PRSS33: variants seen among roughly 807,000 people sequenced by gnomAD.
PRSS33 encodes protease, serine 33.
PRSS33 carries 32 observed loss-of-function variants against 26.7 expected under a neutral mutation model. The ratio of observed to expected loss-of-function variants is 1.20; its 90% confidence interval spans 0.90 to 1.61. The LOEUF is 1.61. PRSS33 is among the 40% of genes most tolerant of loss of function. The pLI, the probability that PRSS33 is intolerant of heterozygous loss-of-function variation, is 0.00. For synonymous variants in PRSS33, 192 were observed against 177.6 expected (o/e 1.08, Z -0.64); for missense variants, 450 against 396.3 (o/e 1.14, Z -1.15).
At chr16:2,785,243 T>C in intron 5 of PRSS33, 72 bp from the exon 6 acceptor site, 2 of 1,450,666 alleles carry the variant, frequency 1.4e-6, no homozygotes, top group Admixed American at 2.2e-5. Context: ...GAGCTCTGAG[T>C]GAGAGGAGGT....
rs755762869 is a variant in PRSS33 at position 2,785,792 on chromosome 16, C to T, written c.242+7G>A. On this transcript the variant is annotated splice_region_variant and intron_variant, in intron 4 of 6. Coordinates refer to ENST00000682474, the MANE Select transcript of PRSS33 (RefSeq NM_152891.3). ...ACACCCCGCCTGGGCCCTCGGTGAG[C>T]GCTGACCTGGGGAAGCAGTGCGCCG... The T allele has an allele frequency of 1.3e-6, 2 of 1,589,128 alleles. No homozygotes were observed. The highest frequency in any genetic ancestry group is 1.7e-6 in the Non-Finnish European group (2 of 1,173,434).
At position 2,785,538 on chromosome 16, in the gene PRSS33, G is replaced by C. The variant is rs757985355; in HGVS notation, c.351C>G (p.Asp117Glu). 16 of 1,527,964 alleles carry C rather than the reference G, an allele frequency of 1.0e-5. No homozygotes were observed. The South Asian group carries it at 1.4e-4, about 14-fold the overall frequency. The allele number at this position is 1,527,964 out of a possible 1,614,324, so 94.7% of individuals were successfully genotyped here. Reference sequence around the variant, plus strand: ...CGCCGCGGGCCCCGTCCTCGGAGTAGTCCGGGGGCAGCAGCACCCGTCGCA... The same window carrying C: ...CGCCGCGGGCCCCGTCCTCGGAGTACTCCGGGGGCAGCAGCACCCGTCGCA... Reference protein sequence around the residue: ...VPVRRVLLPPDYSEDGARGDL... With the variant: ...VPVRRVLLPPEYSEDGARGDL... The change falls in exon 5 of 7, where the codon GAC becomes GAG. Residue 117 changes from aspartate to glutamate, a missense_variant. Transcript: ENST00000682474.
chr16:2,786,431 G>A, intron 2 of PRSS33, 71 bp downstream of exon 2: 1 of 1,580,652 alleles, frequency 6.3e-7, no homozygotes, highest in Non-Finnish European at 8.7e-7. Context: ...CCGGCCCAGG[G>A]AGCAGTGAGA....
rs2150788507 is a variant in PRSS33 at position 2,784,406 on chromosome 16, GTGTGAC to G, written c.*232_*237del. On this transcript the variant is annotated 3_prime_UTR_variant, in exon 7 of 7. Transcript: ENST00000682474. ...ATACAAGCCAGGAAGGGAGTGGGGAGTGTGACTCCCTGGGACTCATGGCAGATTCCT... is the reference window on the plus strand; with the variant it reads ...ATACAAGCCAGGAAGGGAGTGGGGAGTCCCTGGGACTCATGGCAGATTCCT... The G allele has an allele frequency of 2.2e-6, 1 of 456,194 alleles. No homozygotes were observed. The highest frequency in any genetic ancestry group is 3.6e-5 in the South Asian group (1 of 27,856). The allele number at this position is 456,194 out of a possible 1,614,324, so 28.3% of individuals were successfully genotyped here.
Position 2,784,909 on chromosome 16 carries a change from C to A in PRSS33, c.684+93G>T, listed in dbSNP as rs138411936. The stretch of plus-strand genomic sequence containing the variant: ...TAGGTTGGAGGCCAGGATCCTGAGC[C>A]TGAGTTGGGATGTCCTGGGTCCTGG... On this transcript the variant is annotated intron_variant, in intron 6 of 6. Coordinates refer to ENST00000682474, the MANE Select transcript of PRSS33 (RefSeq NM_152891.3). The A allele has an allele frequency of 1.5e-4, 226 of 1,531,036 alleles. 1 individual carries two copies. In the Admixed American group the frequency reaches 4.4e-3, roughly 30 times the overall value. 94.8% of individuals were successfully genotyped at this position (1,531,036 alleles called of 1,614,324 possible). A position where few individuals can be genotyped will look rare whatever the true frequency, so the allele number is the denominator to read the frequency against.
At chr16:2,786,628 G>T in intron 1 of PRSS33, 24 bp from the exon 2 acceptor site, 1 of 1,527,774 alleles carries the variant, frequency 6.5e-7, no homozygotes, top group Non-Finnish European at 9.0e-7. Context: ...GGAGAAGAGA[G>T]GAGAGTCCTG....
At position 2,785,413 on chromosome 16, in the gene PRSS33, G is replaced by A; in HGVS notation, c.476C>T (p.Pro159Leu). The A allele has an allele frequency of 6.9e-7, 1 of 1,449,838 alleles. No individual in the cohort carries two copies. Among genetic ancestry groups the A allele is most frequent in the Non-Finnish European group, 9.0e-7 (1 of 1,113,384 alleles). The allele number at this position is 1,449,838 out of a possible 1,614,324, so 89.8% of individuals were successfully genotyped here. A position where few individuals can be genotyped will look rare whatever the true frequency, so the allele number is the denominator to read the frequency against. ...GCTGCCCCAGCCGGTGACCCGGCATGGTGTGCCGGGCGGCGGGCGGGCGCC... is the reference window on the plus strand; with the variant it reads ...GCTGCCCCAGCCGGTGACCCGGCATAGTGTGCCGGGCGGCGGGCGGGCGCC... ...VPGARPPPGT[P>L]CRVTGWGSLR... The change falls in exon 5 of 7, where the codon CCA (proline) becomes CTA (leucine). Residue 159 changes from proline to leucine, a missense_variant. Coordinates refer to ENST00000682474, the MANE Select transcript of PRSS33 (RefSeq NM_152891.3).
chr16:2,785,205 C>A (rs1197919713), intron 5 of PRSS33, 34 bp from the exon 6 acceptor site: 1 of 1,514,098 alleles, frequency 6.6e-7, no homozygotes, highest in Admixed American at 2.0e-5. Flanking sequence ...GAGAGGAAGG[C>A]GTGGAGCGGG....
At position 2,786,565 on chromosome 16, in the gene PRSS33, G is replaced by T; in HGVS notation, c.-18C>A. The T allele has an allele frequency of 6.2e-7, 1 of 1,613,002 alleles. No individual in the cohort carries two copies. The highest frequency in any genetic ancestry group is 8.5e-7 in the Non-Finnish European group (1 of 1,179,596). ...CCTCTCATTCTGTCTTCAAGGCTGG[G>T]CTGGGTAAGGGTGGCACTGCCTAGG... is the stretch of plus-strand genomic sequence containing the variant. On this transcript the variant is annotated 5_prime_UTR_variant, in exon 2 of 7. Transcript: ENST00000682474.
In PRSS33 at chr16:2,784,993, G is replaced by C; in HGVS notation, c.684+9C>G. 1 of 1,597,002 alleles carries C rather than the reference G, an allele frequency of 6.3e-7. No homozygotes were observed. Among genetic ancestry groups the C allele is most frequent in the Non-Finnish European group, 8.5e-7 (1 of 1,174,216 alleles). ...GGGACTCCGGAGGCTGGGGAGGCTGGGTGCACACCTGGCAGGCGTCCTTGT... is the reference window on the plus strand; with the variant it reads ...GGGACTCCGGAGGCTGGGGAGGCTGCGTGCACACCTGGCAGGCGTCCTTGT... On this transcript the variant is annotated intron_variant, in intron 6 of 6. Transcript: ENST00000682474.
rs111853793 is a variant in PRSS33 at position 2,786,634 on chromosome 16, T to G, written c.-57-30A>C. The G allele has an allele frequency of 1.4e-5, 21 of 1,502,134 alleles. No homozygotes were observed. In the African/African-American group the frequency reaches 1.8e-4, roughly 13 times the overall value. The allele number at this position is 1,502,134 out of a possible 1,614,324, so 93.1% of individuals were successfully genotyped here. Reference sequence around the variant, plus strand: ...AGCCAGCAGGGAGAAGAGAGGAGAGTCCTGGCCCAGGGGCACCAATCCTCA... The same window carrying G: ...AGCCAGCAGGGAGAAGAGAGGAGAGGCCTGGCCCAGGGGCACCAATCCTCA... On this transcript the variant is annotated intron_variant, in intron 1 of 6. Transcript: ENST00000682474.
intron 1 of PRSS33, among the ~76,000 whole-genome samples, chr16:2,787,264 C>CT (rs143800849): frequency 9.2e-4 from 6 of 6,556 alleles, no homozygotes; most frequent in South Asian, 3.1e-3. Context: ...CTGTCTCATC[C>CT]TCACCCCCTC....
In PRSS33 at chr16:2,784,611, C is replaced by T; in HGVS notation, c.*33G>A. The T allele has an allele frequency of 6.5e-7, 1 of 1,538,806 alleles. No homozygotes were observed. The highest frequency in any genetic ancestry group is 8.8e-7 in the Non-Finnish European group (1 of 1,138,018). ...GAACCAGGAGGCTGAGGGACCCCAG[C>T]AGCTGGCTCCAGGTCAGCCTCACCG... On this transcript the variant is annotated 3_prime_UTR_variant, in exon 7 of 7. Transcript: ENST00000682474.
In PRSS33 at chr16:2,787,552, C is replaced by T. The variant is rs2068892705; in HGVS notation, c.-77G>A. ...TCTCACCCTCACAGCCTGGCGCCTT[C>T]TGCTGACTGGGGTTGAGGGAGGGCC... On this transcript the variant is annotated 5_prime_UTR_variant, in exon 1 of 7. Coordinates refer to ENST00000682474, the MANE Select transcript of PRSS33 (RefSeq NM_152891.3). Among the ~76,000 whole-genome samples, 1 of 148,132 alleles carries T rather than the reference C, an allele frequency of 6.8e-6. No individual in the cohort carries two copies. The highest frequency in any genetic ancestry group is 1.5e-5 in the Non-Finnish European group (1 of 67,230).
chr16:2,785,139 C>G lies in PRSS33; in HGVS notation c.547G>C (p.Val183Leu), dbSNP rs1373708061. Residue 183 changes from valine (V) to leucine (L), a missense_variant, in exon 6 of 7, where the codon GTA becomes CTA. Transcript: ENST00000682474. ...CGCGAGTCCAGCAGCGGCACCCTTA[C>G]TCCTTGTAGCGGTCGCCACTCTGGG... is the stretch of plus-strand genomic sequence containing the variant. ...PLPEWRPLQGVRVPLLDSRTC... is the reference protein window; with the variant it reads ...PLPEWRPLQGLRVPLLDSRTC... 4 of 1,543,034 alleles carry G rather than the reference C, an allele frequency of 2.6e-6. No homozygotes were observed. In the Middle Eastern group the frequency reaches 5.0e-4, roughly 194 times the overall value.
chr16:2,784,349 C>A lies in PRSS33; in HGVS notation c.*295G>T, dbSNP rs936969920. On this transcript the variant is annotated 3_prime_UTR_variant, in exon 7 of 7. Coordinates refer to ENST00000682474, the MANE Select transcript of PRSS33 (RefSeq NM_152891.3). Reference sequence around the variant, plus strand: ...GGTTTGCCCATCACTGCGTGCCTTGCGCCCAGCCCTGGCCAGGGCCAAGAA... The same window carrying A: ...GGTTTGCCCATCACTGCGTGCCTTGAGCCCAGCCCTGGCCAGGGCCAAGAA... 1.0e-5 allele frequency: 3 copies of A among 292,098 alleles called. No homozygotes were observed. Among genetic ancestry groups the A allele is most frequent in the Non-Finnish European group, 1.9e-5 (3 of 154,328 alleles). The allele number at this position is 292,098 out of a possible 1,614,324, so 18.1% of individuals were successfully genotyped here.
rs753665771 is a variant in PRSS33, at chr16:2,785,872, G to A, written c.169C>T (p.Arg57Cys). ...GACCCCCCGCACACGTGTGCCCCAC[G>A]ATGCTGGATGCTCGCCTGCCACGGC... ...EWPWQASIQH[R>C]GAHVCGGSLI... The change falls in exon 4 of 7, where the codon CGT becomes TGT. Residue 57 changes from arginine (R) to cysteine (C), a missense_variant. Coordinates refer to ENST00000682474, the MANE Select transcript of PRSS33 (RefSeq NM_152891.3). 14 of 1,609,776 alleles carry A rather than the reference G, an allele frequency of 8.7e-6. No homozygotes were observed. The East Asian group carries it at 2.7e-4, about 31-fold the overall frequency.
At position 2,784,579 on chromosome 16, in the gene PRSS33, C is replaced by T; in HGVS notation, c.*65G>A. ...AAGGGATGTGGGGTATAGGCAGGTG[C>T]CTGGATGAACCAGGAGGCTGAGGGA... On this transcript the variant is annotated 3_prime_UTR_variant, in exon 7 of 7. Transcript: ENST00000682474. 6 of 1,475,920 alleles carry T rather than the reference C, an allele frequency of 4.1e-6. No individual in the cohort carries two copies. The South Asian group carries it at 6.6e-5, about 16-fold the overall frequency. 91.4% of individuals were successfully genotyped at this position (1,475,920 alleles called of 1,614,324 possible).
upstream of PRSS33, among the ~76,000 whole-genome samples, chr16:2,787,584 C>CT (rs1342686253): frequency 6.8e-6 from 1 of 148,044 alleles, no homozygotes; most frequent in African/African-American, 2.5e-5. Flanking sequence ...GGCCTGGGGG[C>CT]TTAAAGTGCC....
Sources: gnomAD v4.1 joint callset for allele counts (sites outside exome capture counted in the v4.1 genomes callset) on GRCh38, gnomAD v4.1.1 for gene constraint, MANE v1.5 for transcripts, NCBI Gene and HGNC (gene_info 2026-07-23, HGNC 2026-07-21) for gene names.